JAKMIP1: variants seen among roughly 807,000 people sequenced by gnomAD.
JAKMIP1 encodes the protein janus kinase and microtubule-interacting protein 1.
A neutral mutation model predicts 113.0 loss-of-function variants in JAKMIP1; 33 were observed. That is an observed-to-expected ratio of 0.29 (90% confidence interval 0.22 to 0.39). JAKMIP1 has a LOEUF of 0.39. JAKMIP1 is among the 10% of genes least tolerant of loss of function. The pLI is 1.00. For synonymous variants in JAKMIP1, 480 were observed against 459.9 expected, an observed-to-expected ratio of 1.04 and a Z score of -0.56; for missense variants, 813 against 1,080.5, an observed-to-expected ratio of 0.75 and a Z score of 3.47.
At chr4:6,071,971 C>A (rs1157687219) in intron 8 of JAKMIP1, among the ~76,000 whole-genome samples, 4 of 152,220 alleles carry the variant, frequency 2.6e-5, no homozygotes, top group Non-Finnish European at 5.9e-5. Flanking sequence ...CAGTTCACTC[C>A]ACCAAAAAGA....
intron 2 of JAKMIP1, among the ~76,000 whole-genome samples, chr4:6,107,588 G>C (rs188451514): frequency 2.0e-5 from 3 of 152,276 alleles, no homozygotes; most frequent in African/African-American, 7.2e-5. Context: ...GGTCCCCTGC[G>C]GAAGAAGGAA....
chr4:6,033,805 T>C (rs73798433), intron 19 of JAKMIP1, among the ~76,000 whole-genome samples: 2,228 of 152,340 alleles, frequency 0.015, 58 homozygotes, highest in African/African-American at 0.049. Context: ...AAAAAAAATG[T>C]AGGTTTTGCA....
rs752677681 is a variant in JAKMIP1, at chr4:6,048,841, T to G, written c.2028+16A>C. The G allele has an allele frequency of 5.6e-6, 9 of 1,610,476 alleles. No homozygotes were observed. In the Admixed American group the frequency reaches 6.7e-5, roughly 12 times the overall value. ...CTGGGACAAGGTGTGAGCACAGAAA[T>G]GCCGCTGGCTTCTACCTTTTCACAC... On this transcript the variant is annotated intron_variant, in intron 16 of 20. Transcript: ENST00000409021.
rs1159256370 is a variant in JAKMIP1, at chr4:6,076,203, A to G, written c.1302+2736T>C. Among the ~76,000 whole-genome samples the G allele has an allele frequency of 6.6e-6, 1 of 152,174 alleles. No individual in the cohort carries two copies. The highest frequency in any genetic ancestry group is 1.9e-4 in the East Asian group (1 of 5,204). On this transcript the variant is annotated intron_variant, in intron 8 of 20. Transcript: ENST00000409021. This position sits in a 1 kb window ranked among gnomAD's most constrained non-coding sequence, Gnocchi z 4.8. ...AAAAAAATTAGTAAATAAATAAAAA[A>G]TAAAATAAACAAACAAACAAATAAA...
Position 6,143,992 on chromosome 4 carries a change from G to C in JAKMIP1, c.-147-30995C>G, listed in dbSNP as rs1720508050. Among the ~76,000 whole-genome samples the C allele has an allele frequency of 1.3e-5, 2 of 152,132 alleles. No individual in the cohort carries two copies. Among genetic ancestry groups the C allele is most frequent in the African/African-American group, 4.8e-5 (2 of 41,422 alleles). On this transcript the variant is annotated intron_variant, in intron 1 of 20. Transcript: ENST00000409021. This position sits in a 1 kb window ranked among gnomAD's most constrained non-coding sequence, Gnocchi z 4.9. ...AGGCATGCCAGGGGGTCAAAGCAGA[G>C]AGGCTCACTCGGGCCCAGCTTAGAG...
chr4:6,038,262 TCCAACA>T, intron 18 of JAKMIP1, among the ~76,000 whole-genome samples: 1 of 147,942 alleles, frequency 6.8e-6, no homozygotes, highest in Non-Finnish European at 1.5e-5. Flanking sequence ...CCAGTAGCCC[TCCAACA>T]CCGAGGCAGA....
rs1472899695 is a variant in JAKMIP1, at chr4:6,136,188, G to T, written c.-147-23191C>A. Reference sequence around the variant, plus strand: ...TTGAACCCAGGAAATGGAGGTTGCAGTGAGCCGAGATCACACCACTGCACT... The same window carrying T: ...TTGAACCCAGGAAATGGAGGTTGCATTGAGCCGAGATCACACCACTGCACT... On this transcript the variant is annotated intron_variant, in intron 1 of 20. Transcript: ENST00000409021. The surrounding 1 kb of genome is among the most constrained non-coding windows in gnomAD (Gnocchi z 5.9). 1.3e-5 allele frequency among the ~76,000 whole-genome samples: 2 copies of T among 151,818 alleles called. No individual in the cohort carries two copies. Among genetic ancestry groups the T allele is most frequent in the Admixed American group, 6.6e-5 (1 of 15,260 alleles).
chr4:6,099,685 G>T (rs1712680871), intron 3 of JAKMIP1, among the ~76,000 whole-genome samples: 1 of 152,186 alleles, frequency 6.6e-6, no homozygotes, highest in South Asian at 2.1e-4. Flanking sequence ...CCTTCCAAGA[G>T]AACTAAATTC....
Position 6,105,984 on chromosome 4 carries a change from G to A in JAKMIP1, c.130-17C>T, listed in dbSNP as rs758088312. ...TTTGCCCACCTGCAGCCAGAGCGGC[G>A]AGAGAGCCGGTCAGGGTCAGGGTCA... is the stretch of plus-strand genomic sequence containing the variant. On this transcript the variant is annotated splice_polypyrimidine_tract_variant and intron_variant, in intron 2 of 20. Coordinates refer to ENST00000409021, the MANE Select transcript of JAKMIP1 (RefSeq NM_001099433.2). 14 of 1,532,450 alleles carry A rather than the reference G, an allele frequency of 9.1e-6. No homozygotes were observed. The highest frequency in any genetic ancestry group is 9.0e-5 in the East Asian group (4 of 44,376). The allele number at this position is 1,532,450 out of a possible 1,614,324, so 94.9% of individuals were successfully genotyped here.
intron 1 of JAKMIP1, among the ~76,000 whole-genome samples, chr4:6,190,381 T>G (rs1354834914): frequency 6.6e-6 from 1 of 152,176 alleles, no homozygotes; most frequent in Admixed American, 6.5e-5. Flanking sequence ...ATAAATGCAA[T>G]TGTATTAACA....
chr4:6,134,114 C>A (rs1246948133), intron 1 of JAKMIP1, among the ~76,000 whole-genome samples: 1 of 152,216 alleles, frequency 6.6e-6, no homozygotes, highest in Non-Finnish European at 1.5e-5. Flanking sequence ...TTCCCCCATG[C>A]TGTTCTCATG....
Position 6,080,161 on chromosome 4 carries a change from G to T in JAKMIP1, c.1242+11C>A, listed in dbSNP as rs754788110. ...TGCCAGGGGCAGCCGCGCCAGCTGTGCTAGATGTACCAGTGAGAGGTCGTC... is the reference window on the plus strand; with the variant it reads ...TGCCAGGGGCAGCCGCGCCAGCTGTTCTAGATGTACCAGTGAGAGGTCGTC... On this transcript the variant is annotated intron_variant, in intron 7 of 20. Coordinates refer to ENST00000409021, the MANE Select transcript of JAKMIP1 (RefSeq NM_001099433.2). The surrounding 1 kb of genome is among the most constrained non-coding windows in gnomAD (Gnocchi z 6.0). 32 of 1,596,150 alleles carry T rather than the reference G, an allele frequency of 2.0e-5. No individual in the cohort carries two copies. In the South Asian group the frequency reaches 3.5e-4, roughly 17 times the overall value.
intron 1 of JAKMIP1, among the ~76,000 whole-genome samples, chr4:6,182,410 G>GAAAA (rs56678982): frequency 6.7e-5 from 8 of 120,228 alleles, no homozygotes; most frequent in Admixed American, 1.8e-4. Flanking sequence ...CCCTGTCTCA[G>GAAAA]AAAAAAAAAA....
intron 3 of JAKMIP1, among the ~76,000 whole-genome samples, chr4:6,091,567 T>TA (rs1390783738): frequency 2.0e-5 from 3 of 152,106 alleles, no homozygotes; most frequent in Non-Finnish European, 4.4e-5. Context: ...TGTCCCAGGG[T>TA]CACATGGCAA....
Position 6,040,488 on chromosome 4 carries a change from G to T in JAKMIP1, c.2175+151C>A. 1.4e-6 allele frequency: 1 copy of T among 708,742 alleles called. No homozygotes were observed. Among genetic ancestry groups the T allele is most frequent in the Non-Finnish European group, 2.6e-6 (1 of 383,088 alleles). The allele number at this position is 708,742 out of a possible 1,614,324, so 43.9% of individuals were successfully genotyped here. A position where few individuals can be genotyped will look rare whatever the true frequency, so the allele number is the denominator to read the frequency against. ...ATTTGGAAAAAGGGACAGTCTGTAC[G>T]GTCATTCCAGTCACAAGGTGGAGAT... On this transcript the variant is annotated intron_variant, in intron 18 of 20. Transcript: ENST00000409021. This position sits in a 1 kb window ranked among gnomAD's most constrained non-coding sequence, Gnocchi z 5.8.
At chr4:6,057,983 C>A (rs1048387989) in intron 11 of JAKMIP1, among the ~76,000 whole-genome samples, 15 of 152,264 alleles carry the variant, frequency 9.9e-5, no homozygotes, top group African/African-American at 3.6e-4. Flanking sequence ...CAAATAGAAC[C>A]CCTGCTGTTC....
intron 13 of JAKMIP1, among the ~76,000 whole-genome samples, chr4:6,052,265 C>A (rs1328260140): frequency 6.6e-6 from 1 of 152,022 alleles, no homozygotes; most frequent in East Asian, 1.9e-4. Context: ...TGGTTCCATT[C>A]CACAGATGAC....
chr4:6,036,989 C>T (rs1258897280), intron 18 of JAKMIP1, among the ~76,000 whole-genome samples: 8,983 of 122,828 alleles, frequency 0.073, 29 homozygotes, highest in African/African-American at 0.2. Flanking sequence ...CAGTATCCCT[C>T]CATCACTGAG....
At chr4:6,095,109 G>A (rs1013012734) in intron 3 of JAKMIP1, among the ~76,000 whole-genome samples, 1 of 146,986 alleles carries the variant, frequency 6.8e-6, no homozygotes, top group Non-Finnish European at 1.5e-5. Context: ...GGGAGAGAGA[G>A]GAAGGGAAAG....
Sources: allele counts gnomAD v4.1 joint callset (sites outside exome capture counted in the v4.1 genomes callset), GRCh38; gene constraint gnomAD v4.1.1; non-coding constraint Gnocchi (gnomAD v3.1); transcripts MANE v1.5; gene names NCBI Gene and HGNC (gene_info 2026-07-23, HGNC 2026-07-21).